IQCK: variants seen among roughly 807,000 people sequenced by gnomAD.
The protein encoded by IQCK is IQ motif containing K.
A neutral mutation model predicts 28.1 loss-of-function variants in IQCK; 29 were observed. That is an observed-to-expected ratio of 1.03 (90% CI 0.77 to 1.41). The LOEUF (loss-of-function observed/expected upper bound fraction) is 1.41. Ranked by LOEUF, IQCK falls within the 40% of genes most tolerant of loss-of-function variation. The pLI is 0.00. For missense variants in IQCK, 359 were observed against 314.7 expected (o/e 1.14, Z -1.07); for synonymous variants, 113 against 115.1 (o/e 0.98, Z 0.12).
At chr16:19,786,044 C>T (rs866578711) in intron 6 of IQCK, among the ~76,000 whole-genome samples, 2 of 152,176 alleles carry the variant, frequency 1.3e-5, no homozygotes, top group African/African-American at 4.8e-5. Context: ...AGAAAGTTCT[C>T]AGTAAATATC....
intron 7 of IQCK, among the ~76,000 whole-genome samples, chr16:19,817,428 G>A (rs1003787115): frequency 3.3e-5 from 5 of 152,122 alleles, no homozygotes; most frequent in Non-Finnish European, 7.4e-5. Flanking sequence ...CCAGGCTTCC[G>A]TGGTAATGAA....
chr16:19,778,402 T>A (rs1016734816), intron 6 of IQCK, among the ~76,000 whole-genome samples: 2 of 152,072 alleles, frequency 1.3e-5, no homozygotes, highest in African/African-American at 4.8e-5. Flanking sequence ...GTGCCTGTAA[T>A]CCCAGCACTT....
In IQCK at chr16:19,723,751, C is replaced by T. The variant is rs184449675; in HGVS notation, c.181+5264C>T. 5.3e-5 allele frequency among the ~76,000 whole-genome samples: 8 copies of T among 152,148 alleles called. No individual in the cohort carries two copies. In the East Asian group the frequency reaches 1.2e-3, roughly 22 times the overall value. On this transcript the variant is annotated intron_variant, in intron 1 of 7. Coordinates refer to ENST00000564186, the Ensembl canonical transcript of IQCK. ...GCTGGATTGCCTGAGCTCAGGAGTT[C>T]GAGACCAGCCTGGCCAACATGGTGA... is the stretch of plus-strand genomic sequence containing the variant.
At chr16:19,803,938 G>A (rs1046141166) in intron 7 of IQCK, among the ~76,000 whole-genome samples, 10 of 152,146 alleles carry the variant, frequency 6.6e-5, no homozygotes, top group African/African-American at 1.2e-4. Flanking sequence ...GTGGGCCACC[G>A]TGCCCAGTCT....
chr16:19,735,377 CTT>C lies in IQCK; in HGVS notation c.403_404del (p.Phe135HisfsTer11). The C allele has an allele frequency of 6.2e-7, 1 of 1,613,996 alleles. No homozygotes were observed. The highest frequency in any genetic ancestry group is 1.6e-4 in the Middle Eastern group (1 of 6,062). ...GGTTCTCCCAAAGAATATTTGGAAA[CTT>C]TCATCTTTCCTGTTCTGCTTCCCGG... On this transcript the variant is annotated frameshift_variant, in exon 4 of 8. Coordinates refer to ENST00000564186, the Ensembl canonical transcript of IQCK. LOFTEE classifies it high-confidence loss of function.
At chr16:19,821,954 T>C (rs1393509133) in intron 7 of IQCK, among the ~76,000 whole-genome samples, 1 of 149,036 alleles carries the variant, frequency 6.7e-6, no homozygotes, top group Non-Finnish European at 1.5e-5. Context: ...GTGGCACGCC[T>C]GTAGTCCCAG....
At chr16:19,847,144 T>G (rs776216310) in intron 9 of IQCK, among the ~76,000 whole-genome samples, 1 of 152,156 alleles carries the variant, frequency 6.6e-6, no homozygotes, top group Non-Finnish European at 1.5e-5. Context: ...GAGAATTGTA[T>G]GAGATAATTA....
chr16:19,736,914 A>G (rs1428666226), intron 4 of IQCK, among the ~76,000 whole-genome samples: 2 of 151,776 alleles, frequency 1.3e-5, no homozygotes, highest in African/African-American at 2.4e-5. Context: ...TTGGGAGGCC[A>G]AGGCAGAAGG....
chr16:19,838,453 C>T (rs991777205), intron 9 of IQCK, among the ~76,000 whole-genome samples: 11 of 152,134 alleles, frequency 7.2e-5, no homozygotes, highest in African/African-American at 2.4e-4. Flanking sequence ...GAAGGAGGCT[C>T]CTCCTGTCAC....
chr16:19,778,601 G>A (rs1002121458), intron 6 of IQCK, among the ~76,000 whole-genome samples: 3 of 151,892 alleles, frequency 2.0e-5, no homozygotes, highest in African/African-American at 4.8e-5. Flanking sequence ...AGGCTGCAGC[G>A]AGCCATTAAC....
In IQCK at chr16:19,849,628, G is replaced by A. The variant is rs2050890551; in HGVS notation, c.803-6859G>A. 5.3e-5 allele frequency among the ~76,000 whole-genome samples: 8 copies of A among 151,870 alleles called. No homozygotes were observed. In the South Asian group the frequency reaches 1.5e-3, roughly 28 times the overall value. ...AGTAAAAAAAATATTCGGGCATGGT[G>A]GTGCACACCTGTAGCCCCAGCCACT... On this transcript the variant is annotated intron_variant, in intron 9 of 9. Coordinates refer to the IQCK transcript ENST00000320394.
intron 4 of IQCK, among the ~76,000 whole-genome samples, chr16:19,737,739 G>A (rs577036062): frequency 1.1e-4 from 16 of 151,724 alleles, no homozygotes; most frequent in African/African-American, 3.1e-4. Context: ...TCTCTCCCCC[G>A]CAGTGCTCCC....
At chr16:19,835,587 CT>C (rs372317479) in intron 9 of IQCK, among the ~76,000 whole-genome samples, 185 of 138,886 alleles carry the variant, frequency 1.3e-3, no homozygotes, top group Middle Eastern at 7.1e-3. Flanking sequence ...CTTTTCTTTT[CT>C]TTTTTTTTTT....
intron 6 of IQCK, among the ~76,000 whole-genome samples, chr16:19,782,240 G>T (rs1356397621): frequency 6.6e-6 from 1 of 151,588 alleles, no homozygotes; most frequent in Non-Finnish European, 1.5e-5. Flanking sequence ...AAAGTGGAAG[G>T]CCGGGCATGG....
chr16:19,805,965 G>A (rs2055828679), intron 7 of IQCK, among the ~76,000 whole-genome samples: 1 of 152,130 alleles, frequency 6.6e-6, no homozygotes, highest in African/African-American at 2.4e-5. Context: ...TTCTGGGTGG[G>A]GAGCCACAGG....
intron 9 of IQCK, among the ~76,000 whole-genome samples, chr16:19,850,644 G>A (rs1396120974): frequency 6.6e-6 from 1 of 152,116 alleles, no homozygotes; most frequent in Non-Finnish European, 1.5e-5. Context: ...CTCGTGGTTC[G>A]TACAATTTCC....
At chr16:19,753,381 A>G (rs1383873661) in intron 4 of IQCK, among the ~76,000 whole-genome samples, 3 of 152,170 alleles carry the variant, frequency 2.0e-5, no homozygotes, top group Admixed American at 2.0e-4. Flanking sequence ...AACTATGATC[A>G]TGCCATTACA....
chr16:19,770,393 T>C (rs1375253102), intron 6 of IQCK, among the ~76,000 whole-genome samples: 2 of 152,164 alleles, frequency 1.3e-5, no homozygotes, highest in South Asian at 2.1e-4. Flanking sequence ...TTTATTACTA[T>C]ACTGTTCAGG....
intron 9 of IQCK, among the ~76,000 whole-genome samples, chr16:19,856,260 C>T (rs1347800280): frequency 6.6e-6 from 1 of 152,190 alleles, no homozygotes; most frequent in Non-Finnish European, 1.5e-5. Context: ...TTAAGAATGG[C>T]CATGAACAGT....
Sources: allele counts gnomAD v4.1 joint callset (sites outside exome capture counted in the v4.1 genomes callset), GRCh38; gene constraint gnomAD v4.1.1; transcripts MANE v1.5; gene names NCBI Gene and HGNC (gene_info 2026-07-23, HGNC 2026-07-21).